Variants in SPATA17 observed in about 807,000 individuals in gnomAD.
SPATA17 encodes the protein spermatogenesis associated 17, also known as spermatogenesis-associated protein 17.
SPATA17 carries 53 observed loss-of-function variants against 62.2 expected under a neutral mutation model. The ratio of observed to expected loss-of-function variants is 0.85; its 90% CI spans 0.68 to 1.07. The LOEUF is 1.07. Ranked by LOEUF, SPATA17 falls within the 50% of genes least tolerant of loss-of-function variation. The pLI is 0.00. For missense variants in SPATA17, 466 were observed against 425.5 expected (o/e 1.10, Z -0.84); for synonymous variants, 146 against 146.8 (o/e 0.99, Z 0.04).
At chr1:217,800,351 G>C (rs1481867161) in intron 8 of SPATA17, among the ~76,000 whole-genome samples, 1 of 151,382 alleles carries the variant, frequency 6.6e-6, no homozygotes, top group Non-Finnish European at 1.5e-5. Context: ...TCTTCTGAAG[G>C]ATATAAGTCC....
chr1:217,841,156 T>A (rs1352342525), intron 9 of SPATA17, among the ~76,000 whole-genome samples: 1 of 151,976 alleles, frequency 6.6e-6, no homozygotes, highest in Admixed American at 6.6e-5. Context: ...TATGAAACAA[T>A]ATGCAGAAAT....
chr1:217,766,734 TTATC>T (rs1673311466), intron 6 of SPATA17, among the ~76,000 whole-genome samples: 1 of 135,122 alleles, frequency 7.4e-6, no homozygotes, highest in African/African-American at 2.6e-5. Flanking sequence ...TTTTTTTTTT[TTATC>T]TTGTCTTTTC....
chr1:217,768,883 A>G (rs1457047029), intron 6 of SPATA17, among the ~76,000 whole-genome samples: 1 of 152,148 alleles, frequency 6.6e-6, no homozygotes, highest in Non-Finnish European at 1.5e-5. Context: ...TTCAAAAGTT[A>G]TTAGAGGGCG....
At chr1:217,835,675 A>G (rs983455607) in intron 9 of SPATA17, among the ~76,000 whole-genome samples, 2 of 152,044 alleles carry the variant, frequency 1.3e-5, no homozygotes, top group African/African-American at 2.4e-5. Context: ...CCAAAACTCA[A>G]CTGCCTTTGT....
intron 5 of SPATA17, among the ~76,000 whole-genome samples, chr1:217,713,927 G>A (rs1671934806): frequency 1.3e-5 from 2 of 152,164 alleles, no homozygotes; most frequent in Non-Finnish European, 2.9e-5. Flanking sequence ...GTGGTGTTCA[G>A]TGTTAAATTC....
At chr1:217,651,748 A>G (rs1670320143) in intron 3 of SPATA17, among the ~76,000 whole-genome samples, 2 of 152,184 alleles carry the variant, frequency 1.3e-5, no homozygotes, top group African/African-American at 4.8e-5. Flanking sequence ...GTTATATCGC[A>G]TGATTAATTA....
intron 3 of SPATA17, among the ~76,000 whole-genome samples, chr1:217,665,884 C>T (rs545570594): frequency 1.3e-5 from 2 of 152,092 alleles, no homozygotes; most frequent in African/African-American, 4.8e-5. Context: ...GGTAATATGA[C>T]AAAGGCCACA....
intron 3 of SPATA17, among the ~76,000 whole-genome samples, chr1:217,662,173 A>C (rs1250625792): frequency 6.6e-6 from 1 of 152,126 alleles, no homozygotes; most frequent in East Asian, 1.9e-4. Context: ...GTCATTACCC[A>C]ATTTACATTA....
intron 5 of SPATA17, among the ~76,000 whole-genome samples, chr1:217,704,927 G>A (rs531932407): frequency 5.3e-5 from 8 of 152,232 alleles, no homozygotes; most frequent in African/African-American, 1.9e-4. Flanking sequence ...CCCAATAATG[G>A]GATTGCTCGG....
At chr1:217,648,730 G>A (rs1670242833) in intron 1 of SPATA17, 152 bp from the exon 2 acceptor site, 2 of 421,734 alleles carry the variant, frequency 4.7e-6, no homozygotes, top group Admixed American at 4.2e-5. Flanking sequence ...TTTTTGAAAT[G>A]CCTTATTTAT....
intron 6 of SPATA17, among the ~76,000 whole-genome samples, chr1:217,751,131 A>G (rs997831646): frequency 6.6e-6 from 1 of 152,156 alleles, no homozygotes; most frequent in African/African-American, 2.4e-5. Flanking sequence ...AGAAACATCA[A>G]TTCTGAGTGA....
chr1:217,742,593 G>A (rs1202726637), intron 6 of SPATA17, among the ~76,000 whole-genome samples: 2 of 152,244 alleles, frequency 1.3e-5, no homozygotes, highest in South Asian at 4.1e-4. Flanking sequence ...AGAAGTATAA[G>A]CACGAAATTT....
intron 6 of SPATA17, among the ~76,000 whole-genome samples, chr1:217,751,486 T>A (rs1380756056): frequency 3.3e-5 from 5 of 152,220 alleles, no homozygotes; most frequent in African/African-American, 4.8e-5. Flanking sequence ...TCACATAATT[T>A]GTTACTATTG....
intron 6 of SPATA17, among the ~76,000 whole-genome samples, chr1:217,754,660 T>A (rs1672999132): frequency 1.3e-5 from 2 of 152,270 alleles, no homozygotes; most frequent in Non-Finnish European, 2.9e-5. Flanking sequence ...TATATAGATA[T>A]CCCAGTGTCT....
At chr1:217,827,767 C>G (rs1046956909) in intron 9 of SPATA17, among the ~76,000 whole-genome samples, 1 of 152,136 alleles carries the variant, frequency 6.6e-6, no homozygotes, top group African/African-American at 2.4e-5. Context: ...TTATCTTCAG[C>G]AAACTAATGC....
intron 3 of SPATA17, among the ~76,000 whole-genome samples, chr1:217,659,282 A>G (rs1357846129): frequency 1.3e-5 from 2 of 152,020 alleles, no homozygotes; most frequent in Admixed American, 6.6e-5. Flanking sequence ...GGTCAAGGAA[A>G]TGACACTTCA....
chr1:217,790,172 A>C (rs2102981541), intron 8 of SPATA17, among the ~76,000 whole-genome samples: 1 of 152,328 alleles, frequency 6.6e-6, no homozygotes, highest in East Asian at 1.9e-4. Context: ...CTTCCCCCTT[A>C]TCTGGGGTCT....
At chr1:217,845,757 T>C (rs1675510020) in intron 9 of SPATA17, among the ~76,000 whole-genome samples, 1 of 152,104 alleles carries the variant, frequency 6.6e-6, no homozygotes, top group South Asian at 2.1e-4. Context: ...TATCTTCCAT[T>C]GTAAAGCATC....
intron 5 of SPATA17, among the ~76,000 whole-genome samples, chr1:217,687,502 T>A (rs1384066269): frequency 6.6e-6 from 1 of 152,224 alleles, no homozygotes; most frequent in East Asian, 1.9e-4. Context: ...TCCTGTAAGA[T>A]TATAATACTA....
Sources: allele counts gnomAD v4.1 joint callset (sites outside exome capture counted in the v4.1 genomes callset), GRCh38; gene constraint gnomAD v4.1.1; transcripts MANE v1.5; gene names NCBI Gene and HGNC (gene_info 2026-07-23, HGNC 2026-07-21).